HFM1: variants seen among roughly 807,000 people sequenced by gnomAD.
HFM1 encodes the protein probable ATP-dependent DNA helicase HFM1.
HFM1 carries 169 observed loss-of-function variants against 192.1 expected under a neutral mutation model. That is an observed-to-expected ratio of 0.88 (90% CI 0.78 to 1.00). The LOEUF (loss-of-function observed/expected upper bound fraction) is 1.00. Ranked by LOEUF, HFM1 falls within the 50% of genes least tolerant of loss-of-function variation. HFM1 has a pLI of 0.00. For missense variants in HFM1, 1,661 were observed against 1,668.0 expected (o/e 1.00, Z 0.07); for synonymous variants, 525 against 537.8 (o/e 0.98, Z 0.33).
At chr1:91,301,059 T>C (rs12753042) in intron 30 of HFM1, among the ~76,000 whole-genome samples, 2 of 152,252 alleles carry the variant, frequency 1.3e-5, no homozygotes, top group African/African-American at 2.4e-5. Context: ...CCAAAATCTC[T>C]TTAAGCTGAT....
chr1:91,349,785 A>T (rs1399460275), intron 18 of HFM1, among the ~76,000 whole-genome samples: 2 of 152,190 alleles, frequency 1.3e-5, no homozygotes, highest in African/African-American at 4.8e-5. Context: ...TGAGATAATA[A>T]ATTCTGGTTG....
chr1:91,375,449 G>A lies in HFM1; in HGVS notation c.1597-3C>T, dbSNP rs1304205232. 2 of 1,612,580 alleles carry A rather than the reference G, an allele frequency of 1.2e-6. No homozygotes were observed. Among genetic ancestry groups the A allele is most frequent in the Non-Finnish European group, 1.7e-6 (2 of 1,179,082 alleles). On this transcript the variant is annotated splice_region_variant and splice_polypyrimidine_tract_variant and intron_variant, in intron 12 of 38. Transcript: ENST00000370425. ...ACACCCTTCCTTGTTGCACAAAACT[G>A]AAAATAAATTCATAACGTTTGTATT...
chr1:91,365,379 A>T (rs2101868751), intron 13 of HFM1, among the ~76,000 whole-genome samples: 1 of 152,272 alleles, frequency 6.6e-6, no homozygotes, highest in East Asian at 1.9e-4. Flanking sequence ...CAAAAAAAAA[A>T]CTATGTGAGA....
chr1:91,358,392 TA>T (rs1658030421), intron 13 of HFM1, among the ~76,000 whole-genome samples: 1 of 152,106 alleles, frequency 6.6e-6, no homozygotes, highest in African/African-American at 2.4e-5. Context: ...CTTTCTGATT[TA>T]AAATTATACT....
intron 30 of HFM1, among the ~76,000 whole-genome samples, chr1:91,291,934 A>T (rs1336272526): frequency 6.6e-6 from 1 of 152,234 alleles, no homozygotes; most frequent in Non-Finnish European, 1.5e-5. Context: ...GCATATAAAC[A>T]GAACCAAGAC....
At chr1:91,293,055 A>C (rs1057395202) in intron 30 of HFM1, among the ~76,000 whole-genome samples, 10 of 152,332 alleles carry the variant, frequency 6.6e-5, no homozygotes, top group Non-Finnish European at 1.2e-4. Context: ...AATTAATTCA[A>C]GATGGATTAA....
At chr1:91,281,799 T>G (rs1038646238) in intron 30 of HFM1, among the ~76,000 whole-genome samples, 2 of 152,168 alleles carry the variant, frequency 1.3e-5, no homozygotes, top group African/African-American at 4.8e-5. Context: ...AGACCACAGC[T>G]CACCGCAGCC....
At chr1:91,280,952 T>C (rs1173479356) in intron 30 of HFM1, among the ~76,000 whole-genome samples, 3 of 152,204 alleles carry the variant, frequency 2.0e-5, no homozygotes, top group African/African-American at 7.2e-5. Context: ...AGGGACTGGT[T>C]GACCATGTGA....
rs372907034 is a variant in HFM1, at chr1:91,283,500, A to G, written c.3392-6438T>C. 2.4e-4 allele frequency among the ~76,000 whole-genome samples: 36 copies of G among 152,166 alleles called. No individual in the cohort carries two copies. In the South Asian group the frequency reaches 7.5e-3, roughly 32 times the overall value. ...ACCTGTAAGTTCAAGCAATCCACCCACTTCGGCCTCCCAAAGTGCTGAGAC... is the reference window on the plus strand; with the variant it reads ...ACCTGTAAGTTCAAGCAATCCACCCGCTTCGGCCTCCCAAAGTGCTGAGAC... On this transcript the variant is annotated intron_variant, in intron 30 of 38. Transcript: ENST00000370425.
chr1:91,277,517 G>A (rs1248460998), intron 30 of HFM1, among the ~76,000 whole-genome samples: 2 of 142,538 alleles, frequency 1.4e-5, no homozygotes, highest in East Asian at 4.0e-4. Context: ...GTGTGTGTGT[G>A]TGTGTGTGTG....
chr1:91,308,128 T>A (rs1649911661), intron 30 of HFM1, among the ~76,000 whole-genome samples: 1 of 152,246 alleles, frequency 6.6e-6, no homozygotes, highest in South Asian at 2.1e-4. Context: ...ATCTGTTGGT[T>A]GGTGTCTTTT....
At chr1:91,282,765 G>T (rs1667575388) in intron 30 of HFM1, among the ~76,000 whole-genome samples, 1 of 151,968 alleles carries the variant, frequency 6.6e-6, no homozygotes, top group African/African-American at 2.4e-5. Context: ...GTTTTGAGGT[G>T]GGAAGACTTG....
intron 30 of HFM1, among the ~76,000 whole-genome samples, chr1:91,293,652 G>T (rs1326177173): frequency 6.6e-6 from 1 of 151,414 alleles, no homozygotes; most frequent in Non-Finnish European, 1.5e-5. Flanking sequence ...GATTCCTCAG[G>T]GATCTAGAAC....
intron 16 of HFM1, among the ~76,000 whole-genome samples, chr1:91,352,117 A>G (rs1657014136): frequency 6.6e-6 from 1 of 151,766 alleles, no homozygotes; most frequent in Non-Finnish European, 1.5e-5. Context: ...TGGGAACACA[A>G]TTAGCATTTA....
chr1:91,324,595 G>A, intron 21 of HFM1, 80 bp downstream of exon 21: 1 of 687,060 alleles, frequency 1.5e-6, no homozygotes, highest in Non-Finnish European at 2.6e-6. Context: ...AATTATATGA[G>A]ATACACAAAT....
intron 13 of HFM1, among the ~76,000 whole-genome samples, chr1:91,366,770 G>A (rs1015548175): frequency 1.9e-4 from 29 of 152,320 alleles, no homozygotes; most frequent in South Asian, 8.3e-4. Flanking sequence ...GTCAGATAGC[G>A]GGTGCAGTGC....
At chr1:91,395,213 T>C (rs1663509775) in intron 3 of HFM1, among the ~76,000 whole-genome samples, 1 of 152,112 alleles carries the variant, frequency 6.6e-6, no homozygotes, top group Non-Finnish European at 1.5e-5. Flanking sequence ...TCTAGCTTTT[T>C]TCACTCAATA....
intron 30 of HFM1, among the ~76,000 whole-genome samples, chr1:91,310,134 A>G (rs1421807772): frequency 6.6e-6 from 1 of 152,174 alleles, no homozygotes; most frequent in Non-Finnish European, 1.5e-5. Flanking sequence ...TATTTATGAG[A>G]CAATTTGAAC....
At position 91,378,058 on chromosome 1, in the gene HFM1, T is replaced by C; in HGVS notation, c.1362A>G (p.Val454=). 1.2e-6 allele frequency: 2 copies of C among 1,612,242 alleles called. No individual in the cohort carries two copies. The highest frequency in any genetic ancestry group is 1.1e-5 in the South Asian group (1 of 90,952). ...NTSTAIPMRF[V]AVSATIPNAE... Reference sequence around the variant, plus strand: ...CATTTGGAATTGTTGCAGATACAGCTACAAATCGCATTGGAATAGCAGTGC... The same window carrying C: ...CATTTGGAATTGTTGCAGATACAGCCACAAATCGCATTGGAATAGCAGTGC... The change falls in exon 11 of 39, where the codon GTA becomes GTG. Residue 454 remains valine (V), a synonymous_variant. Coordinates refer to ENST00000370425, the MANE Select transcript of HFM1 (RefSeq NM_001017975.6).
Sources: gnomAD v4.1 joint callset for allele counts (sites outside exome capture counted in the v4.1 genomes callset) on GRCh38, gnomAD v4.1.1 for gene constraint, MANE v1.5 for transcripts, NCBI Gene and HGNC (gene_info 2026-07-23, HGNC 2026-07-21) for gene names.